Variants in TRAP1 observed in about 807,000 individuals in gnomAD.
TRAP1 encodes the protein TNF receptor associated protein 1.
Under a neutral mutation model 89.1 loss-of-function variants are expected in TRAP1, and 102 were observed. The observed-to-expected ratio is 1.15, with a 90% confidence interval of 0.98 to 1.35. The LOEUF (loss-of-function observed/expected upper bound fraction) is 1.35. Among genes scored for constraint, TRAP1 ranks in the 40% most tolerant of loss-of-function variants. TRAP1 has a pLI of 0.00. For missense variants in TRAP1, 1,256 were observed against 945.3 expected (o/e 1.33, Z -4.31); for synonymous variants, 508 against 388.0 (o/e 1.31, Z -3.64).
At chr16:3,686,501 G>C (rs1369248176) in intron 3 of TRAP1, among the ~76,000 whole-genome samples, 1 of 152,120 alleles carries the variant, frequency 6.6e-6, no homozygotes, top group African/African-American at 2.4e-5. Flanking sequence ...AATTTTTATA[G>C]ACACAGGGTC....
At chr16:3,702,978 G>T (rs1433076750) in intron 1 of TRAP1, among the ~76,000 whole-genome samples, 1 of 144,708 alleles carries the variant, frequency 6.9e-6, no homozygotes, top group Admixed American at 7.1e-5. Context: ...GGAGGTGGAG[G>T]TTGTGGTAAG....
intron 4 of TRAP1, among the ~76,000 whole-genome samples, chr16:3,681,802 G>T (rs374126010): frequency 1.3e-5 from 2 of 152,064 alleles, no homozygotes; most frequent in Admixed American, 6.5e-5. Flanking sequence ...TTCCCAAACT[G>T]ATCTGCACTG....
Position 3,658,752 on chromosome 16 carries a change from T to C in TRAP1, c.2013+41A>G, listed in dbSNP as rs541328385. The C allele has an allele frequency of 4.4e-5, 69 of 1,581,134 alleles. 1 individual carries two copies. The South Asian group carries it at 4.8e-4, about 11-fold the overall frequency. On this transcript the variant is annotated intron_variant, in intron 17 of 17. Transcript: ENST00000246957. ...CCTGAAGGCAGGCTGGCAGGGCTGG[T>C]AGCCTGGGTCCCTGCAGTCATCCTA...
intron 2 of TRAP1, 98 bp downstream of exon 2, chr16:3,690,729 G>A (rs983248228): frequency 3.2e-6 from 4 of 1,235,142 alleles, no homozygotes; most frequent in Middle Eastern, 3.2e-4. Context: ...ACCTAAGGCG[G>A]TGGCTCTACC....
At chr16:3,696,999 T>C (rs1443603649) in intron 1 of TRAP1, among the ~76,000 whole-genome samples, 1 of 152,192 alleles carries the variant, frequency 6.6e-6, no homozygotes, top group African/African-American at 2.4e-5. Flanking sequence ...GCGCTGGGAT[T>C]AGAGCCGTAA....
At chr16:3,682,749 G>C (rs1300001139) in intron 4 of TRAP1, among the ~76,000 whole-genome samples, 3 of 151,822 alleles carry the variant, frequency 2.0e-5, no homozygotes, top group Non-Finnish European at 4.4e-5. Flanking sequence ...TGTGGCCCTA[G>C]CTACAGGGGG....
chr16:3,703,969 C>T (rs966236655), intron 1 of TRAP1, among the ~76,000 whole-genome samples: 4 of 148,910 alleles, frequency 2.7e-5, no homozygotes, highest in South Asian at 4.2e-4. Context: ...GAGCCGAGAT[C>T]GCGCCACTGC....
At chr16:3,716,629 T>C (rs1463290450) in intron 1 of TRAP1, among the ~76,000 whole-genome samples, 5 of 97,966 alleles carry the variant, frequency 5.1e-5, no homozygotes, top group Non-Finnish European at 1.0e-4. Flanking sequence ...TTAGGCTTTT[T>C]AGAATAAAAA....
intron 12 of TRAP1, chr16:3,665,228 C>A (rs1273990994): frequency 6.6e-6 from 1 of 152,230 alleles, no homozygotes; most frequent in Non-Finnish European, 1.5e-5. Context: ...CGGCAAACAA[C>A]CAGAACACGG....
intron 3 of TRAP1, 29 bp downstream of exon 3, chr16:3,689,026 G>C (rs779145620): frequency 1.3e-6 from 2 of 1,571,492 alleles, no homozygotes; most frequent in Non-Finnish European, 8.7e-7. Flanking sequence ...AACTTTGCTA[G>C]CATCGGGCAT....
intron 11 of TRAP1, among the ~76,000 whole-genome samples, chr16:3,669,214 AC>A (rs2050877304): frequency 1.3e-5 from 2 of 152,260 alleles, no homozygotes; most frequent in African/African-American, 4.8e-5. Context: ...ATCACCAGTA[AC>A]CCACAGGCGC....
At chr16:3,668,048 C>T (rs532100997) in intron 11 of TRAP1, among the ~76,000 whole-genome samples, 4 of 151,818 alleles carry the variant, frequency 2.6e-5, no homozygotes, top group African/African-American at 9.7e-5. Context: ...CTGCCTCAGC[C>T]TCCCGAGTGG....
chr16:3,673,029 C>T (rs748643457), intron 9 of TRAP1, among the ~76,000 whole-genome samples: 6 of 152,082 alleles, frequency 3.9e-5, no homozygotes, highest in South Asian at 2.1e-4. Flanking sequence ...TGGCAGCTGC[C>T]GCCCTCCCCA....
intron 4 of TRAP1, 29 bp from the exon 5 acceptor site, chr16:3,679,819 G>C: frequency 1.2e-6 from 2 of 1,612,350 alleles, no homozygotes; most frequent in Non-Finnish European, 1.7e-6. Context: ...TAAGTGCCAA[G>C]CCCCCAGCAC....
chr16:3,706,469 T>C (rs1057362622), intron 1 of TRAP1, among the ~76,000 whole-genome samples: 3 of 149,392 alleles, frequency 2.0e-5, no homozygotes, highest in Non-Finnish European at 3.0e-5. Flanking sequence ...TTTTTTTTTT[T>C]TTTTTTTTTG....
chr16:3,705,687 A>G (rs2051433062), intron 1 of TRAP1, among the ~76,000 whole-genome samples: 1 of 151,988 alleles, frequency 6.6e-6, no homozygotes, highest in African/African-American at 2.4e-5. Context: ...GGTTGCTTCC[A>G]AATTTTTTGT....
intron 1 of TRAP1, among the ~76,000 whole-genome samples, chr16:3,707,058 GTTTC>G (rs1382522223): frequency 1.3e-5 from 2 of 151,080 alleles, no homozygotes; most frequent in African/African-American, 4.9e-5. Flanking sequence ...TTTTGTTGTT[GTTTC>G]TTTAATTTTT....
chr16:3,675,532 CAG>C (rs1275117750), intron 7 of TRAP1, 135 bp from the exon 8 acceptor site: 10 of 790,480 alleles, frequency 1.3e-5, no homozygotes, highest in Admixed American at 6.7e-5. Flanking sequence ...GGTACAGAAA[CAG>C]GGCACAGTGG....
intron 4 of TRAP1, among the ~76,000 whole-genome samples, chr16:3,684,105 TCACTGCAGTGAGGTGAGATCATAC>T (rs1425060731): frequency 6.6e-6 from 1 of 152,080 alleles, no homozygotes; most frequent in Non-Finnish European, 1.5e-5. Flanking sequence ...GGCAGAGGCC[TCACTGCAGTGAGGTGAGATCATAC>T]CACTGCACTC....
Sources: allele counts gnomAD v4.1 joint callset (sites outside exome capture counted in the v4.1 genomes callset), GRCh38; gene constraint gnomAD v4.1.1; transcripts MANE v1.5; gene names NCBI Gene and HGNC (gene_info 2026-07-23, HGNC 2026-07-21).